The following TRPC4 variants were observed in gnomAD, a reference collection of about 807,000 sequenced individuals.
The protein encoded by TRPC4 is short transient receptor potential channel 4.
In TRPC4, 49 loss-of-function variants were observed where a neutral mutation model predicts 99.4. The observed-to-expected ratio is 0.49, with a 90% CI of 0.39 to 0.63. TRPC4 has a LOEUF of 0.63. Among genes scored for constraint, TRPC4 ranks in the 20% least tolerant of loss-of-function variants. TRPC4 has a pLI of 0.00. For missense variants in TRPC4, 898 were observed against 1,152.9 expected (o/e 0.78, Z 3.20); for synonymous variants, 454 against 425.9 (o/e 1.07, Z -0.81).
intron 1 of TRPC4, among the ~76,000 whole-genome samples, chr13:37,831,940 G>A (rs77676420): frequency 0.026 from 3,905 of 152,176 alleles, 97 homozygotes; most frequent in African/African-American, 0.072. Flanking sequence ...TTTCAGTTAA[G>A]GCAGGAGGAA....
At chr13:37,817,516 G>C (rs901099720) in intron 1 of TRPC4, among the ~76,000 whole-genome samples, 1 of 151,822 alleles carries the variant, frequency 6.6e-6, no homozygotes, top group African/African-American at 2.4e-5. Flanking sequence ...GGGTAGTAGA[G>C]AGAACTATTT....
chr13:37,712,691 TGA>T (rs1461740877), intron 3 of TRPC4, among the ~76,000 whole-genome samples: 2 of 152,090 alleles, frequency 1.3e-5, no homozygotes, highest in Admixed American at 6.6e-5. Context: ...TGGATTGGCT[TGA>T]GAGAGGTTCT....
intron 6 of TRPC4, among the ~76,000 whole-genome samples, chr13:37,656,867 A>G (rs1448278201): frequency 6.6e-6 from 1 of 152,214 alleles, no homozygotes; most frequent in Non-Finnish European, 1.5e-5. Flanking sequence ...ATGGCCCAGC[A>G]CTACGTCAAC....
At chr13:37,867,495 AG>A (rs34097176) in intron 1 of TRPC4, among the ~76,000 whole-genome samples, 98,823 of 151,768 alleles carry the variant, frequency 0.65, 32,390 homozygotes, top group Admixed American at 0.72. Context: ...TGCATCTTAA[AG>A]GGGGTTATTA....
chr13:37,825,450 T>C (rs1367503388), intron 1 of TRPC4, among the ~76,000 whole-genome samples: 4 of 152,096 alleles, frequency 2.6e-5, no homozygotes, highest in Admixed American at 2.6e-4. Context: ...TTGAATGTGT[T>C]CCAGAGATTC....
At chr13:37,740,693 C>T (rs1279413760) in intron 3 of TRPC4, among the ~76,000 whole-genome samples, 1 of 152,188 alleles carries the variant, frequency 6.6e-6, no homozygotes, top group Non-Finnish European at 1.5e-5. Context: ...TCACAGCAGT[C>T]TTGTTTCTTG....
chr13:37,663,818 T>C (rs2138694041), intron 5 of TRPC4, 89 bp from the exon 6 acceptor site: 1 of 1,208,354 alleles, frequency 8.3e-7, no homozygotes, highest in East Asian at 2.6e-5. Flanking sequence ...AACTATTAAA[T>C]TTTGAACAAA....
intron 1 of TRPC4, among the ~76,000 whole-genome samples, chr13:37,850,276 G>A (rs952752149): frequency 6.6e-6 from 1 of 152,138 alleles, no homozygotes; most frequent in African/African-American, 2.4e-5. Flanking sequence ...AGGTCAAATT[G>A]CTACTGCCTC....
intron 4 of TRPC4, among the ~76,000 whole-genome samples, chr13:37,689,153 C>G (rs528864753): frequency 3.9e-5 from 6 of 152,136 alleles, no homozygotes; most frequent in Non-Finnish European, 7.4e-5. Context: ...GCTTAGCAGA[C>G]AGGATGATAG....
chr13:37,770,399 T>A (rs567128662), intron 2 of TRPC4, among the ~76,000 whole-genome samples: 3 of 151,654 alleles, frequency 2.0e-5, no homozygotes, highest in East Asian at 2.0e-4. Context: ...AGGTTAGACA[T>A]TGATTCTGCT....
chr13:37,742,805 A>G (rs1955631071), intron 3 of TRPC4, among the ~76,000 whole-genome samples: 1 of 152,192 alleles, frequency 6.6e-6, no homozygotes. Flanking sequence ...TGATCTTACT[A>G]GAAAACCTTT....
intron 1 of TRPC4, among the ~76,000 whole-genome samples, chr13:37,841,636 G>A (rs1310531559): frequency 2.0e-5 from 3 of 151,894 alleles, no homozygotes; most frequent in Admixed American, 6.6e-5. Context: ...ATAAGCACAT[G>A]AAAAGATGTT....
intron 1 of TRPC4, among the ~76,000 whole-genome samples, chr13:37,853,011 C>G (rs1959097322): frequency 6.6e-6 from 1 of 152,152 alleles, no homozygotes; most frequent in Non-Finnish European, 1.5e-5. Context: ...GAAACCATCT[C>G]TGGAGTCACC....
At chr13:37,728,208 GA>G (rs58297762) in intron 3 of TRPC4, among the ~76,000 whole-genome samples, 52,845 of 146,374 alleles carry the variant, frequency 0.36, 11,060 homozygotes, top group Non-Finnish European at 0.49. Flanking sequence ...ATGTGAAAAA[GA>G]AAAAAAAAAG....
intron 3 of TRPC4, among the ~76,000 whole-genome samples, chr13:37,745,457 TATATATATATATATATACACAC>T (rs747111513): frequency 0.063 from 498 of 7,902 alleles, 14 homozygotes; most frequent in African/African-American, 0.098. Context: ...TATATATATA[TATATATATATATATATACACAC>T]ACACACACAC....
At chr13:37,779,767 G>T (rs141628862) in intron 2 of TRPC4, among the ~76,000 whole-genome samples, 1 of 151,856 alleles carries the variant, frequency 6.6e-6, no homozygotes, top group Non-Finnish European at 1.5e-5. Context: ...AAAAAACTAC[G>T]CATGTCCAAT....
intron 4 of TRPC4, among the ~76,000 whole-genome samples, chr13:37,684,325 G>GA (rs1412734094): frequency 3.3e-5 from 5 of 151,594 alleles, no homozygotes; most frequent in Non-Finnish European, 7.4e-5. Flanking sequence ...AACATTTTGA[G>GA]AAAAAAAACT....
intron 2 of TRPC4, among the ~76,000 whole-genome samples, chr13:37,781,874 CAA>C (rs908898879): frequency 1.3e-5 from 2 of 151,498 alleles, no homozygotes; most frequent in African/African-American, 4.8e-5. Flanking sequence ...CTAATAATGG[CAA>C]AGATTCTGAT....
chr13:37,835,125 G>A (rs771529011), intron 1 of TRPC4, among the ~76,000 whole-genome samples: 2 of 151,934 alleles, frequency 1.3e-5, no homozygotes, highest in Non-Finnish European at 2.9e-5. Flanking sequence ...ACATTGGAAT[G>A]TTTGCCAATA....
Sources: gnomAD v4.1 joint callset for allele counts (sites outside exome capture counted in the v4.1 genomes callset) on GRCh38, gnomAD v4.1.1 for gene constraint, MANE v1.5 for transcripts, NCBI Gene and HGNC (gene_info 2026-07-23, HGNC 2026-07-21) for gene names.